Variants in DLG2 observed in about 807,000 individuals in gnomAD.
The protein encoded by DLG2 is disks large homolog 2.
A neutral mutation model predicts 132.5 loss-of-function variants in DLG2; 45 were observed. That is an observed-to-expected ratio of 0.34 (90% CI 0.27 to 0.44). The LOEUF (loss-of-function observed/expected upper bound fraction) is 0.44, where lower values mean the gene tolerates loss of function less well. Among genes scored for constraint, DLG2 ranks in the 20% least tolerant of loss-of-function variants. The pLI is 1.00. For missense variants in DLG2, 1,045 were observed against 1,196.9 expected, an observed-to-expected ratio of 0.87 and a Z score of 1.87; for synonymous variants, 424 against 419.6, an observed-to-expected ratio of 1.01 and a Z score of -0.13.
At chr11:83,818,066 T>C (rs1395299124) in intron 17 of DLG2, among the ~76,000 whole-genome samples, 1 of 152,198 alleles carries the variant, frequency 6.6e-6, no homozygotes, top group African/African-American at 2.4e-5. Context: ...TCTCCGTCTT[T>C]TCACTTTACA....
intron 27 of DLG2, 86 bp downstream of exon 27, chr11:83,461,916 A>G: frequency 2.2e-6 from 2 of 892,752 alleles, no homozygotes; most frequent in Non-Finnish European, 3.8e-6. Context: ...TTAGGGCACA[A>G]GTACACCAGG....
intron 6 of DLG2, among the ~76,000 whole-genome samples, chr11:84,745,981 T>C (rs1219721664): frequency 2.0e-5 from 3 of 152,190 alleles, no homozygotes; most frequent in Non-Finnish European, 4.4e-5. Context: ...TCCAGGTGGA[T>C]TGCTGAACCA....
At chr11:83,804,933 TA>T (rs1028650429) in intron 17 of DLG2, among the ~76,000 whole-genome samples, 9 of 152,150 alleles carry the variant, frequency 5.9e-5, no homozygotes, top group Non-Finnish European at 1.0e-4. Flanking sequence ...TTTCTTTAAA[TA>T]AAATTTACTC....
At chr11:85,445,662 G>A (rs373822997) in intron 3 of DLG2, among the ~76,000 whole-genome samples, 3 of 152,154 alleles carry the variant, frequency 2.0e-5, no homozygotes, top group Non-Finnish European at 4.4e-5. Flanking sequence ...CCTGGGCAAC[G>A]AGAGTGAAAC....
chr11:85,451,595 T>C (rs17148177), intron 3 of DLG2, among the ~76,000 whole-genome samples: 19,317 of 152,182 alleles, frequency 0.13, 1,588 homozygotes, highest in African/African-American at 0.23. Context: ...ACTCAAATTT[T>C]GACATTTATT....
intron 6 of DLG2, among the ~76,000 whole-genome samples, chr11:84,978,340 C>T (rs369846445): frequency 5.3e-5 from 8 of 152,248 alleles, no homozygotes; most frequent in South Asian, 4.1e-4. Context: ...AAAAAGAGCC[C>T]GCATTGCCAA....
chr11:83,940,147 A>G (rs76769274), intron 14 of DLG2, among the ~76,000 whole-genome samples: 11,628 of 152,222 alleles, frequency 0.076, 606 homozygotes, highest in Non-Finnish European at 0.12. Context: ...TGCTCTCTTT[A>G]GAGAAGGCTT....
At chr11:85,358,310 TTTAC>T (rs2083897852) in intron 3 of DLG2, among the ~76,000 whole-genome samples, 1 of 152,162 alleles carries the variant, frequency 6.6e-6, no homozygotes, top group Admixed American at 6.5e-5. Context: ...ACTCTCTGTG[TTTAC>T]TCTCTTTCTA....
intron 6 of DLG2, among the ~76,000 whole-genome samples, chr11:84,912,224 C>T (rs576758476): frequency 4.7e-4 from 72 of 152,310 alleles, no homozygotes; most frequent in Middle Eastern, 6.8e-3. Context: ...ATCTCGATCT[C>T]GGCTCACTGC....
chr11:83,857,808 T>C (rs2060789111), intron 16 of DLG2, among the ~76,000 whole-genome samples: 1 of 129,104 alleles, frequency 7.7e-6, no homozygotes, highest in Admixed American at 8.4e-5. Flanking sequence ...ATTTTCTACA[T>C]TTTCTGCTCT....
At chr11:83,472,639 C>A (rs1315107817) in intron 23 of DLG2, 88 bp downstream of exon 23, 1 of 1,160,142 alleles carries the variant, frequency 8.6e-7, no homozygotes, top group South Asian at 1.3e-5. Context: ...CGAGTTTATT[C>A]TCCTTAGTCC....
chr11:83,795,233 G>A lies in DLG2; in HGVS notation c.1723-8441C>T, dbSNP rs969558654. Among the ~76,000 whole-genome samples, 25 of 151,956 alleles carry A rather than the reference G, an allele frequency of 1.6e-4. No homozygotes were observed. In the South Asian group the frequency reaches 4.0e-3, roughly 24 times the overall value. On this transcript the variant is annotated intron_variant, in intron 17 of 27. Transcript: ENST00000376104. ...ATCCTGGCTAACATGGCGAAACCCC[G>A]TCTCTACTAAAAATACAAAAAAAAA... is the stretch of plus-strand genomic sequence containing the variant.
chr11:85,458,553 C>A (rs1485652415), intron 3 of DLG2, among the ~76,000 whole-genome samples: 1 of 152,168 alleles, frequency 6.6e-6, no homozygotes, highest in Non-Finnish European at 1.5e-5. Context: ...TCTGTGTTGG[C>A]TTGTGTTCTG....
intron 6 of DLG2, among the ~76,000 whole-genome samples, chr11:84,671,096 A>ATT (rs11320250): frequency 3.5e-5 from 5 of 142,846 alleles, no homozygotes; most frequent in Admixed American, 1.4e-4. Context: ...GAGTACAATA[A>ATT]TTTTTTTTTT....
chr11:85,217,062 T>A (rs1446868735), intron 4 of DLG2, among the ~76,000 whole-genome samples: 2 of 152,166 alleles, frequency 1.3e-5, no homozygotes, highest in Non-Finnish European at 2.9e-5. Flanking sequence ...ATAAGACTTT[T>A]AAATATTTTA....
intron 6 of DLG2, among the ~76,000 whole-genome samples, chr11:84,948,003 C>T (rs1306712794): frequency 2.6e-5 from 4 of 152,162 alleles, no homozygotes; most frequent in African/African-American, 4.8e-5. Flanking sequence ...CCTCTCTGAT[C>T]ATAAAATCAA....
chr11:84,513,750 A>C (rs2099263970), intron 7 of DLG2, among the ~76,000 whole-genome samples: 1 of 152,032 alleles, frequency 6.6e-6, no homozygotes. Context: ...CATTGAAAAA[A>C]ACCATCCAGG....
intron 2 of DLG2, among the ~76,000 whole-genome samples, chr11:85,613,959 A>G (rs2153275152): frequency 6.6e-6 from 1 of 152,196 alleles, no homozygotes; most frequent in South Asian, 2.1e-4. Context: ...AACTCTGGAC[A>G]TGCCACCTTT....
At chr11:84,993,701 T>C (rs1280838624) in intron 6 of DLG2, among the ~76,000 whole-genome samples, 1 of 151,998 alleles carries the variant, frequency 6.6e-6, no homozygotes, top group Non-Finnish European at 1.5e-5. Context: ...TTACCTCTAA[T>C]GGTGTTTACT....
Sources: allele counts gnomAD v4.1 joint callset (sites outside exome capture counted in the v4.1 genomes callset), GRCh38; gene constraint gnomAD v4.1.1; transcripts MANE v1.5; gene names NCBI Gene and HGNC (gene_info 2026-07-23, HGNC 2026-07-21).